Variants in LTBP1 observed in about 807,000 individuals in gnomAD.
LTBP1 encodes latent transforming growth factor beta binding protein 1.
Under a neutral mutation model 207.6 loss-of-function variants are expected in LTBP1, and 129 were observed. That is an observed-to-expected ratio of 0.62 (90% CI 0.54 to 0.72). LTBP1 has a LOEUF of 0.72. LTBP1 is among the 30% of genes least tolerant of loss of function. The pLI is 0.00. For synonymous variants in LTBP1, 963 were observed against 833.7 expected (o/e 1.16, Z -2.67); for missense variants, 2,281 against 2,217.2 (o/e 1.03, Z -0.58).
chr2:33,371,823 A>C (rs561677578), intron 31 of LTBP1, among the ~76,000 whole-genome samples: 3 of 152,210 alleles, frequency 2.0e-5, no homozygotes, highest in Non-Finnish European at 4.4e-5. Context: ...ACGGTCCGAA[A>C]TATTAAGGGG....
chr2:33,373,396 T>A (rs916806864), intron 31 of LTBP1, among the ~76,000 whole-genome samples: 2 of 152,196 alleles, frequency 1.3e-5, no homozygotes, highest in African/African-American at 2.4e-5. Flanking sequence ...GTTCTGGGAC[T>A]GATGAAAGAG....
chr2:32,948,989 G>T (rs758508790), intron 2 of LTBP1, 44 bp downstream of exon 2: 27 of 1,593,906 alleles, frequency 1.7e-5, no homozygotes, highest in South Asian at 1.7e-4. Context: ...TAGGCAAAGT[G>T]GGGGGAGGTG....
intron 23 of LTBP1, among the ~76,000 whole-genome samples, chr2:33,310,382 A>G (rs1256845807): frequency 6.6e-6 from 1 of 152,232 alleles, no homozygotes; most frequent in African/African-American, 2.4e-5. Flanking sequence ...GTACTAATGA[A>G]AACACAGCAA....
chr2:33,151,826 TGTGTG>T (rs1558713073), intron 5 of LTBP1, among the ~76,000 whole-genome samples: 12 of 962 alleles, frequency 0.012, no homozygotes, highest in South Asian at 0.05. Context: ...TTCCATTTTG[TGTGTG>T]TGTGTGTGTG....
intron 2 of LTBP1, among the ~76,000 whole-genome samples, chr2:32,997,599 T>C (rs936151385): frequency 9.9e-5 from 15 of 152,156 alleles, no homozygotes; most frequent in African/African-American, 3.6e-4. Flanking sequence ...CTAAATGCTC[T>C]TGGGATGGTG....
At chr2:33,387,540 C>G (rs1402483626) in intron 31 of LTBP1, among the ~76,000 whole-genome samples, 1 of 152,220 alleles carries the variant, frequency 6.6e-6, no homozygotes, top group East Asian at 1.9e-4. Flanking sequence ...ACAGGGGCAG[C>G]CAGAATCCTA....
At chr2:33,186,781 A>G in intron 5 of LTBP1, 75 bp from the exon 6 acceptor site, 1 of 1,125,092 alleles carries the variant, frequency 8.9e-7, no homozygotes, top group Non-Finnish European at 1.3e-6. Flanking sequence ...TATGTTTTGC[A>G]GGTTTTGTTG....
At chr2:33,364,166 G>A (rs552889188) in intron 29 of LTBP1, 50 bp from the exon 30 acceptor site, 2 of 1,593,100 alleles carry the variant, frequency 1.3e-6, no homozygotes, top group East Asian at 2.2e-5. Flanking sequence ...AGTGTATGAG[G>A]TACAACTGAT....
intron 3 of LTBP1, among the ~76,000 whole-genome samples, chr2:33,047,790 G>T (rs1195517060): frequency 6.6e-6 from 1 of 152,128 alleles, no homozygotes; most frequent in African/African-American, 2.4e-5. Context: ...TTATGAATCT[G>T]GGTGCTCCTG....
At chr2:33,238,767 G>A (rs1009830917) in intron 9 of LTBP1, among the ~76,000 whole-genome samples, 1 of 152,150 alleles carries the variant, frequency 6.6e-6, no homozygotes, top group African/African-American at 2.4e-5. Flanking sequence ...TTCTTGTACT[G>A]CTCACCATCC....
At chr2:33,341,837 A>G (rs1481262612) in intron 24 of LTBP1, among the ~76,000 whole-genome samples, 2 of 151,608 alleles carry the variant, frequency 1.3e-5, no homozygotes, top group Non-Finnish European at 2.9e-5. Flanking sequence ...GTGAACTTGA[A>G]CTTGTCATTT....
At position 32,947,287 on chromosome 2, in the gene LTBP1, G is replaced by C; in HGVS notation, c.-38G>C. On this transcript the variant is annotated 5_prime_UTR_variant, in exon 1 of 34. Coordinates refer to ENST00000404816, the MANE Select transcript of LTBP1 (RefSeq NM_206943.4). ...AGCCGCACGGCCGGGGGAGGGGGCC[G>C]GACCGCGCGCGACCGGTCGCGCCCG... 8.2e-7 allele frequency: 1 copy of C among 1,212,276 alleles called. No individual in the cohort carries two copies. Among genetic ancestry groups the C allele is most frequent in the Non-Finnish European group, 1.0e-6 (1 of 974,762 alleles). The allele number at this position is 1,212,276 out of a possible 1,614,324, so 75.1% of individuals were successfully genotyped here.
At chr2:33,149,364 C>G (rs1400960111) in intron 5 of LTBP1, among the ~76,000 whole-genome samples, 1 of 151,756 alleles carries the variant, frequency 6.6e-6, no homozygotes, top group African/African-American at 2.4e-5. Flanking sequence ...CCATTCTTTC[C>G]TATCAGACAA....
chr2:33,225,090 CTTATCT>C (rs1226599074), intron 9 of LTBP1, among the ~76,000 whole-genome samples: 2 of 152,066 alleles, frequency 1.3e-5, no homozygotes, highest in African/African-American at 4.8e-5. Context: ...GTGTCATTTT[CTTATCT>C]TTAAGTTCAA....
At chr2:32,970,374 G>C (rs934556386) in intron 2 of LTBP1, among the ~76,000 whole-genome samples, 2 of 152,084 alleles carry the variant, frequency 1.3e-5, no homozygotes, top group Admixed American at 6.6e-5. Flanking sequence ...ATCTTCCAGG[G>C]TTTTTATAGT....
At chr2:33,025,578 A>G (rs1002188382) in intron 3 of LTBP1, among the ~76,000 whole-genome samples, 3 of 152,232 alleles carry the variant, frequency 2.0e-5, no homozygotes, top group Non-Finnish European at 4.4e-5. Context: ...AACAATGACG[A>G]TTTATAGAAC....
chr2:33,057,365 C>G (rs571753447), intron 3 of LTBP1, among the ~76,000 whole-genome samples: 4 of 152,352 alleles, frequency 2.6e-5, no homozygotes, highest in African/African-American at 9.6e-5. Flanking sequence ...CTGGCTTCAC[C>G]CAGTGGGTCT....
chr2:33,140,667 TA>T (rs771814055), intron 5 of LTBP1, among the ~76,000 whole-genome samples: 2 of 111,560 alleles, frequency 1.8e-5, no homozygotes, highest in African/African-American at 3.2e-5. Flanking sequence ...ATTAATTAAT[TA>T]ATTTTTTTTT....
intron 24 of LTBP1, among the ~76,000 whole-genome samples, chr2:33,331,773 G>A (rs561042165): frequency 2.6e-5 from 4 of 152,180 alleles, no homozygotes; most frequent in East Asian, 3.9e-4. Flanking sequence ...ATAAATGACT[G>A]AGGAGTATGT....
Sources: allele counts gnomAD v4.1 joint callset (sites outside exome capture counted in the v4.1 genomes callset), GRCh38; gene constraint gnomAD v4.1.1; transcripts MANE v1.5; gene names NCBI Gene and HGNC (gene_info 2026-07-23, HGNC 2026-07-21).